Variants in PCDH11X observed in about 807,000 individuals in gnomAD.
The protein encoded by PCDH11X is protocadherin 11 X-linked.
PCDH11X carries 18 observed loss-of-function variants against 53.3 expected under a neutral mutation model. The ratio of observed to expected loss-of-function variants is 0.34; its 90% confidence interval spans 0.23 to 0.50. The LOEUF is 0.50. Ranked by LOEUF, PCDH11X falls within the 20% of genes least tolerant of loss-of-function variation. The pLI is 0.98. For synonymous variants in PCDH11X, 279 were observed against 393.3 expected (o/e 0.71, Z 3.44); for missense variants, 570 against 1,032.4 (o/e 0.55, Z 6.14).
chrX:92,016,721 A>C (rs2062800229), intron 6 of PCDH11X, among the ~76,000 whole-genome samples: 1 of 111,637 alleles, frequency 9.0e-6, no homozygotes, highest in Non-Finnish European at 1.9e-5. Flanking sequence ...TAGACCACTG[A>C]AACTTTCTCC....
chrX:92,135,222 T>G (rs972035068), intron 6 of PCDH11X, among the ~76,000 whole-genome samples: 3 of 111,804 alleles, frequency 2.7e-5, no homozygotes, highest in African/African-American at 9.7e-5. Context: ...GGAATCGTTT[T>G]ATTCGTCTTC....
chrX:92,024,718 C>CAAAAAAAAAA (rs199917287), intron 6 of PCDH11X, among the ~76,000 whole-genome samples: 74 of 54,652 alleles, frequency 1.4e-3, no homozygotes, highest in Middle Eastern at 0.012. Context: ...CAATCCTAAG[C>CAAAAAAAAAA]AAAAAAAAAA....
intron 9 of PCDH11X, among the ~76,000 whole-genome samples, chrX:92,415,568 A>G (rs997305056): frequency 9.0e-6 from 1 of 111,724 alleles, no homozygotes; most frequent in Admixed American, 9.6e-5. Context: ...AAACAGTCCA[A>G]AATATGTCAG....
At chrX:92,263,636 G>A (rs184423750) in intron 8 of PCDH11X, among the ~76,000 whole-genome samples, 9 of 111,553 alleles carry the variant, frequency 8.1e-5, no homozygotes, top group Admixed American at 2.9e-4. Context: ...CCTTCAATGC[G>A]AAAATTTTAA....
chrX:91,937,619 T>C (rs983765920), intron 6 of PCDH11X, among the ~76,000 whole-genome samples: 11 of 110,293 alleles, frequency 1.0e-4, no homozygotes, highest in African/African-American at 3.3e-4. Context: ...TATTCTGATA[T>C]GCAGAGTTTT....
At chrX:92,264,475 T>C (rs2067781998) in intron 8 of PCDH11X, among the ~76,000 whole-genome samples, 1 of 111,248 alleles carries the variant, frequency 9.0e-6, no homozygotes, top group African/African-American at 3.3e-5. Flanking sequence ...ACAGTGTGAT[T>C]ATATGTGTGT....
chrX:91,961,989 C>G (rs2061794649), intron 6 of PCDH11X, among the ~76,000 whole-genome samples: 1 of 108,847 alleles, frequency 9.2e-6, no homozygotes, highest in Non-Finnish European at 1.9e-5. Flanking sequence ...ATTAAATTAC[C>G]TCCCACCAGG....
chrX:91,852,008 C>CTTTTTTT (rs59675485), intron 5 of PCDH11X, among the ~76,000 whole-genome samples: 3 of 94,461 alleles, frequency 3.2e-5, no homozygotes, highest in Admixed American at 1.2e-4. Flanking sequence ...ATTAGGAATT[C>CTTTTTTT]TTTTTTTTTT....
intron 9 of PCDH11X, among the ~76,000 whole-genome samples, chrX:92,444,844 T>C (rs1281804687): frequency 1.0e-5 from 1 of 97,805 alleles, no homozygotes; most frequent in African/African-American, 3.7e-5. Flanking sequence ...ATTGTGTTTA[T>C]GTAGTAAATC....
intron 6 of PCDH11X, among the ~76,000 whole-genome samples, chrX:91,909,267 A>C (rs1364093549): frequency 7.2e-5 from 8 of 111,321 alleles, no homozygotes; most frequent in African/African-American, 2.3e-4. Context: ...AGAAGAGATA[A>C]AAGATAAAAA....
chrX:92,532,957 C>T (rs140020161), intron 10 of PCDH11X, among the ~76,000 whole-genome samples: 1,311 of 110,165 alleles, frequency 0.012, 12 homozygotes, highest in Non-Finnish European at 0.019. Flanking sequence ...CATTCTCTAT[C>T]ATGGGAATAG....
chrX:91,949,073 C>G (rs1268440920), intron 6 of PCDH11X, among the ~76,000 whole-genome samples: 1 of 110,364 alleles, frequency 9.1e-6, no homozygotes, highest in Non-Finnish European at 1.9e-5. Context: ...AATACATACA[C>G]AAAGCCAGTA....
intron 10 of PCDH11X, among the ~76,000 whole-genome samples, chrX:92,501,291 C>T (rs2073955121): frequency 9.0e-6 from 1 of 110,602 alleles, no homozygotes; most frequent in African/African-American, 3.3e-5. Context: ...GGAATTCTAC[C>T]AGAAGTACAA....
intron 6 of PCDH11X, among the ~76,000 whole-genome samples, chrX:92,017,263 C>T (rs2062810102): frequency 9.0e-6 from 1 of 111,349 alleles, no homozygotes; most frequent in South Asian, 3.8e-4. Flanking sequence ...GTGATGGATA[C>T]TCCATTTAAC....
In PCDH11X at chrX:92,580,894, G is replaced by A. The variant is rs753162946; in HGVS notation, c.3368-37370G>A. ...TCCCCTTGCCCCGTGTGGCTCCTGG[G>A]TGGGCCATTGCTCAACCCTGCTTTT... On this transcript the variant is annotated intron_variant, in intron 10 of 10. Coordinates refer to ENST00000682573, the MANE Select transcript of PCDH11X (RefSeq NM_032968.5). Among the ~76,000 whole-genome samples, 4 of 110,859 alleles carry A rather than the reference G, an allele frequency of 3.6e-5. No individual in the cohort carries two copies. In the East Asian group the frequency reaches 1.1e-3, roughly 32 times the overall value.
Position 92,620,122 on chromosome X carries a change from C to T in PCDH11X, c.*1182C>T, listed in dbSNP as rs994581723. 4 of 109,936 alleles carry T rather than the reference C, an allele frequency of 3.6e-5. No individual in the cohort carries two copies. Among genetic ancestry groups the T allele is most frequent in the African/African-American group, 1.3e-4 (4 of 30,294 alleles). The allele number at this position is 109,936 out of a possible 1,213,427, so 9.1% of individuals were successfully genotyped here. On this transcript the variant is annotated 3_prime_UTR_variant, in exon 11 of 11. Coordinates refer to ENST00000682573, the MANE Select transcript of PCDH11X (RefSeq NM_032968.5). ...AAGAAATGTAATTATAAATCTACATCAAACAGAATTTTAAGGAAAAATGCA... is the reference window on the plus strand; with the variant it reads ...AAGAAATGTAATTATAAATCTACATTAAACAGAATTTTAAGGAAAAATGCA...
At chrX:92,490,152 G>A (rs1252042983) in intron 10 of PCDH11X, among the ~76,000 whole-genome samples, 4 of 105,897 alleles carry the variant, frequency 3.8e-5, no homozygotes, top group African/African-American at 1.4e-4. Flanking sequence ...TACATTCTTA[G>A]TACTTCCAAT....
chrX:91,851,219 GA>G lies in PCDH11X; in HGVS notation c.540+15178del, dbSNP rs768575722. Among the ~76,000 whole-genome samples the G allele has an allele frequency of 2.7e-5, 3 of 111,484 alleles. No homozygotes were observed. In the East Asian group the frequency reaches 8.5e-4, roughly 31 times the overall value. ...ATCAGAAAATCACTAAATAATGCAT[GA>G]AATTATAAAAATTACATTAAAATAT... On this transcript the variant is annotated intron_variant, in intron 5 of 10. Transcript: ENST00000682573.
At chrX:92,389,578 C>T (rs1316620806) in intron 9 of PCDH11X, among the ~76,000 whole-genome samples, 1 of 111,279 alleles carries the variant, frequency 9.0e-6, no homozygotes, top group Non-Finnish European at 1.9e-5. Flanking sequence ...CCACAGTGCA[C>T]ATCTCACCCT....
Sources: allele counts gnomAD v4.1 joint callset (sites outside exome capture counted in the v4.1 genomes callset), GRCh38; gene constraint gnomAD v4.1.1; transcripts MANE v1.5; gene names NCBI Gene and HGNC (gene_info 2026-07-23, HGNC 2026-07-21).